The following WSCD2 variants were observed in gnomAD, a reference collection of about 807,000 sequenced individuals.
The protein encoded by WSCD2 is sialate:O-sulfotransferase 2.
In WSCD2, 28 loss-of-function variants were observed where a neutral mutation model predicts 55.7. The observed-to-expected ratio is 0.50, with a 90% CI of 0.37 to 0.69. WSCD2 has a LOEUF of 0.69. Among genes scored for constraint, WSCD2 ranks in the 30% least tolerant of loss-of-function variants. WSCD2 has a pLI of 0.00. For missense variants in WSCD2, 616 were observed against 762.1 expected (o/e 0.81, Z 2.26); for synonymous variants, 301 against 301.9 (o/e 1.00, Z 0.03).
At chr12:108,161,525 C>G (rs1365269738) in intron 1 of WSCD2, among the ~76,000 whole-genome samples, 1 of 152,154 alleles carries the variant, frequency 6.6e-6, no homozygotes, top group African/African-American at 2.4e-5. Context: ...TGGCAAACCA[C>G]CAGAAGCTTC....
chr12:108,154,004 T>A (rs938547582), intron 1 of WSCD2, among the ~76,000 whole-genome samples: 4 of 152,174 alleles, frequency 2.6e-5, no homozygotes, highest in Admixed American at 6.5e-5. Context: ...TGAAGTGTGA[T>A]GCTCAACACA....
chr12:108,206,747 CAGG>C (rs1885432635), intron 3 of WSCD2, among the ~76,000 whole-genome samples: 1 of 152,162 alleles, frequency 6.6e-6, no homozygotes, highest in Non-Finnish European at 1.5e-5. Context: ...GCCGTGTATG[CAGG>C]AGTCTTTGTG....
chr12:108,140,953 G>T (rs536071010), intron 1 of WSCD2, among the ~76,000 whole-genome samples: 1 of 152,258 alleles, frequency 6.6e-6, no homozygotes, highest in Non-Finnish European at 1.5e-5. Flanking sequence ...CTGCTTTTCA[G>T]CGTGAGCGGA....
intron 1 of WSCD2, among the ~76,000 whole-genome samples, chr12:108,174,679 A>G (rs1880599590): frequency 6.6e-6 from 1 of 152,220 alleles, no homozygotes; most frequent in Non-Finnish European, 1.5e-5. Flanking sequence ...CAGTGGCACA[A>G]GCATAGCTCA....
At chr12:108,190,797 G>C (rs1053748339) in intron 1 of WSCD2, among the ~76,000 whole-genome samples, 4 of 152,286 alleles carry the variant, frequency 2.6e-5, no homozygotes, top group East Asian at 1.9e-4. Context: ...CCCTGGGGGG[G>C]AGGCAGAGTA....
intron 4 of WSCD2, among the ~76,000 whole-genome samples, chr12:108,216,808 A>G (rs1264173571): frequency 6.6e-6 from 1 of 152,196 alleles, no homozygotes; most frequent in African/African-American, 2.4e-5. Flanking sequence ...ACTCTCATCC[A>G]TCATTGGCTG....
chr12:108,238,982 A>G (rs1889490967), intron 7 of WSCD2, among the ~76,000 whole-genome samples: 1 of 152,212 alleles, frequency 6.6e-6, no homozygotes, highest in Non-Finnish European at 1.5e-5. Context: ...TGCTTAATAT[A>G]TGTAAAGGGC....
intron 2 of WSCD2, among the ~76,000 whole-genome samples, chr12:108,202,254 A>G (rs1884785856): frequency 6.6e-6 from 1 of 152,200 alleles, no homozygotes; most frequent in South Asian, 2.1e-4. Flanking sequence ...CCAAGACAGG[A>G]AGGAAACTGA....
chr12:108,137,639 T>C (rs1026400044), intron 1 of WSCD2, among the ~76,000 whole-genome samples: 1 of 152,246 alleles, frequency 6.6e-6, no homozygotes, highest in Non-Finnish European at 1.5e-5. Flanking sequence ...CCGTAACTTC[T>C]GTCCAGCTGA....
chr12:108,214,348 T>TCCATTA (rs1886583764), intron 4 of WSCD2, among the ~76,000 whole-genome samples: 1 of 152,228 alleles, frequency 6.6e-6, no homozygotes, highest in Admixed American at 6.5e-5. Context: ...AATGTTCCCA[T>TCCATTA]AATAGTGAGA....
rs546790317 is a variant in WSCD2 at position 108,170,342 on chromosome 12, A to G, written c.-551-24940A>G. ...AAAATAAGTGATAATGATGACATCAATGATGGTGATGACAAAGACAATGAC... is the reference window on the plus strand; with the variant it reads ...AAAATAAGTGATAATGATGACATCAGTGATGGTGATGACAAAGACAATGAC... On this transcript the variant is annotated intron_variant, in intron 1 of 8. Transcript: ENST00000547525. Among the ~76,000 whole-genome samples, 5 of 152,272 alleles carry G rather than the reference A, an allele frequency of 3.3e-5. No individual in the cohort carries two copies. In the South Asian group the frequency reaches 8.3e-4, roughly 25 times the overall value.
intron 1 of WSCD2, among the ~76,000 whole-genome samples, chr12:108,158,276 A>G (rs1878722322): frequency 6.6e-6 from 1 of 152,198 alleles, no homozygotes; most frequent in Non-Finnish European, 1.5e-5. Flanking sequence ...AGCAGCCACA[A>G]ACGGAGAGAG....
In WSCD2 at chr12:108,151,370, AG is replaced by A. The variant is rs144355396; in HGVS notation, c.-552+21449del. 3.3e-3 allele frequency among the ~76,000 whole-genome samples: 505 copies of A among 152,124 alleles called. 2 individuals carry two copies. The highest frequency in any genetic ancestry group is 0.012 in the African/African-American group (479 of 41,514). On this transcript the variant is annotated intron_variant, in intron 1 of 8. Transcript: ENST00000547525. ...AAATGTCCCCTTGATGCAGGTGGAG[AG>A]GGGGAAAAATTGGCCCCAGTTAAGA... is the stretch of plus-strand genomic sequence containing the variant.
At chr12:108,140,792 C>T (rs2136878841) in intron 1 of WSCD2, among the ~76,000 whole-genome samples, 1 of 152,336 alleles carries the variant, frequency 6.6e-6, no homozygotes, top group Non-Finnish European at 1.5e-5. Context: ...GTGTGAACTT[C>T]AGCAGAGCAA....
At chr12:108,220,529 C>A (rs1049463860) in intron 4 of WSCD2, among the ~76,000 whole-genome samples, 1 of 152,104 alleles carries the variant, frequency 6.6e-6, no homozygotes, top group African/African-American at 2.4e-5. Flanking sequence ...ATGATCACAA[C>A]AATATTACGA....
intron 7 of WSCD2, among the ~76,000 whole-genome samples, chr12:108,234,302 C>T (rs1303811063): frequency 2.6e-5 from 4 of 152,136 alleles, no homozygotes; most frequent in Non-Finnish European, 5.9e-5. Flanking sequence ...GAGAGTCATC[C>T]GCTAACCCTA....
intron 5 of WSCD2, 99 bp downstream of exon 5, chr12:108,224,959 GGATAGATGTAGTCGTT>G: frequency 6.7e-7 from 1 of 1,503,496 alleles, no homozygotes; most frequent in Non-Finnish European, 8.9e-7. Flanking sequence ...AGCTCAGTCG[GGATAGATGTAGTCGTT>G]GACTGGGATC....
intron 8 of WSCD2, among the ~76,000 whole-genome samples, chr12:108,246,375 T>C (rs1890082848): frequency 6.6e-6 from 1 of 152,226 alleles, no homozygotes; most frequent in Admixed American, 6.5e-5. Flanking sequence ...TGTTGCCTGC[T>C]CTGGCAGGCA....
chr12:108,140,887 C>G (rs879743811), intron 1 of WSCD2, among the ~76,000 whole-genome samples: 1 of 152,230 alleles, frequency 6.6e-6, no homozygotes, highest in Non-Finnish European at 1.5e-5. Flanking sequence ...GGGACTAGAA[C>G]GTGGGCCTTT....
Sources: gnomAD v4.1 joint callset for allele counts (sites outside exome capture counted in the v4.1 genomes callset) on GRCh38, gnomAD v4.1.1 for gene constraint, MANE v1.5 for transcripts, NCBI Gene and HGNC (gene_info 2026-07-23, HGNC 2026-07-21) for gene names.